The following PPP1R9A variants were observed in gnomAD, a reference collection of about 807,000 sequenced individuals.
The protein encoded by PPP1R9A is neurabin-1.
In PPP1R9A, 59 loss-of-function variants were observed where a neutral mutation model predicts 141.9. The ratio of observed to expected loss-of-function variants is 0.42; its 90% CI spans 0.34 to 0.52. The LOEUF (loss-of-function observed/expected upper bound fraction) is 0.52, where lower values mean the gene tolerates loss of function less well. Among genes scored for constraint, PPP1R9A ranks in the 20% least tolerant of loss-of-function variants. PPP1R9A has a pLI of 0.10. For synonymous variants in PPP1R9A, 500 were observed against 569.7 expected (o/e 0.88, Z 1.74); for missense variants, 1,444 against 1,611.9 (o/e 0.90, Z 1.78).
At position 95,111,927 on chromosome 7, in the gene PPP1R9A, G is replaced by A. The variant is rs148947635; in HGVS notation, c.1528+536G>A. Among the ~76,000 whole-genome samples the A allele has an allele frequency of 1.6e-3, 239 of 152,164 alleles. 3 individuals carry two copies. Among genetic ancestry groups the A allele is most frequent in the Admixed American group, 7.8e-3 (119 of 15,270 alleles). On this transcript the variant is annotated intron_variant, in intron 3 of 19. Coordinates refer to ENST00000433360, the MANE Select transcript of PPP1R9A (RefSeq NM_001166160.2). The stretch of plus-strand genomic sequence containing the variant: ...TCCCAGGAATGACACCCTGCCTACT[G>A]TAGTAACTGCTGACCCGTGGGATCA...
At chr7:95,046,502 TAACACGG>T (rs1282541548) in intron 2 of PPP1R9A, among the ~76,000 whole-genome samples, 7 of 152,252 alleles carry the variant, frequency 4.6e-5, no homozygotes, top group Admixed American at 1.3e-4. Context: ...TGCTATTTGA[TAACACGG>T]AATTGTGGAA....
Position 95,292,508 on chromosome 7 carries a change from GT to G in PPP1R9A, c.*2206del, listed in dbSNP as rs1806509932. On this transcript the variant is annotated 3_prime_UTR_variant, in exon 20 of 20. Transcript: ENST00000433360. ...GTATATACTGGAAATGTCTGTAAGT[GT>G]CTTGTTTTTGCACCTAATTTATGAT... The G allele has an allele frequency of 6.6e-6, 1 of 152,508 alleles. No individual in the cohort carries two copies. The allele number at this position is 152,508 out of a possible 1,614,324, so 9.4% of individuals were successfully genotyped here.
intron 1 of PPP1R9A, among the ~76,000 whole-genome samples, chr7:94,909,017 T>C (rs1391547662): frequency 1.3e-5 from 2 of 152,216 alleles, no homozygotes; most frequent in African/African-American, 4.8e-5. Context: ...TCAGCATATC[T>C]TGAAGTATTT....
intron 2 of PPP1R9A, among the ~76,000 whole-genome samples, chr7:94,962,928 ACTTTC>A (rs1264474067): frequency 5.3e-5 from 8 of 152,248 alleles, no homozygotes; most frequent in African/African-American, 1.7e-4. Flanking sequence ...TCACAGTAGA[ACTTTC>A]CTTTCCTGGA....
At chr7:95,286,077 G>A (rs1285405668) in intron 17 of PPP1R9A, 129 bp from the exon 18 acceptor site, 16 of 1,428,204 alleles carry the variant, frequency 1.1e-5, no homozygotes, top group African/African-American at 2.8e-5. Context: ...CCCATTGAAG[G>A]TCATCACCAA....
chr7:95,197,762 C>T (rs1289949935), intron 5 of PPP1R9A, among the ~76,000 whole-genome samples: 1 of 152,126 alleles, frequency 6.6e-6, no homozygotes, highest in African/African-American at 2.4e-5. Flanking sequence ...GATTCTCCTG[C>T]CTCAGCCTCC....
intron 7 of PPP1R9A, among the ~76,000 whole-genome samples, chr7:95,219,086 T>G (rs2152936299): frequency 6.6e-6 from 1 of 152,352 alleles, no homozygotes; most frequent in South Asian, 2.1e-4. Flanking sequence ...CAATTTGTCA[T>G]GCTTTTGCAG....
chr7:95,081,118 TG>T (rs771879729), intron 2 of PPP1R9A, among the ~76,000 whole-genome samples: 1 of 152,138 alleles, frequency 6.6e-6, no homozygotes, highest in Non-Finnish European at 1.5e-5. Context: ...AAGACCTGAA[TG>T]GATCAAACTT....
At chr7:95,139,799 A>G (rs886342041) in intron 4 of PPP1R9A, among the ~76,000 whole-genome samples, 2 of 151,326 alleles carry the variant, frequency 1.3e-5, no homozygotes, top group Non-Finnish European at 2.9e-5. Flanking sequence ...ACATTACATA[A>G]AGCAAAACAT....
At chr7:95,168,558 T>C (rs1402447135) in intron 5 of PPP1R9A, among the ~76,000 whole-genome samples, 1 of 151,210 alleles carries the variant, frequency 6.6e-6, no homozygotes, top group Non-Finnish European at 1.5e-5. Flanking sequence ...TATATTAATC[T>C]AAAAGACTTC....
At chr7:94,949,369 ATTG>A (rs1218020416) in intron 2 of PPP1R9A, among the ~76,000 whole-genome samples, 2 of 152,116 alleles carry the variant, frequency 1.3e-5, no homozygotes, top group Admixed American at 6.6e-5. Context: ...CATGAGGACT[ATTG>A]TTGTATTAAG....
chr7:94,986,543 T>C (rs1800860699), intron 2 of PPP1R9A, among the ~76,000 whole-genome samples: 1 of 152,186 alleles, frequency 6.6e-6, no homozygotes, highest in African/African-American at 2.4e-5. Flanking sequence ...AATTCCAGTG[T>C]TGTACAGCAA....
chr7:95,013,358 C>T (rs1256080105), intron 2 of PPP1R9A, among the ~76,000 whole-genome samples: 2 of 152,102 alleles, frequency 1.3e-5, no homozygotes, highest in African/African-American at 4.8e-5. Flanking sequence ...CATCCATTTA[C>T]ACAGTTCAGT....
chr7:95,001,064 C>T (rs1387928556), intron 2 of PPP1R9A, among the ~76,000 whole-genome samples: 1 of 151,908 alleles, frequency 6.6e-6, no homozygotes, highest in African/African-American at 2.4e-5. Flanking sequence ...ACAGTGATTC[C>T]CAGATCTGTC....
chr7:95,224,505 T>G (rs886321270), intron 7 of PPP1R9A, among the ~76,000 whole-genome samples: 4 of 152,128 alleles, frequency 2.6e-5, no homozygotes, highest in African/African-American at 9.7e-5. Flanking sequence ...ACTTTCAGGC[T>G]CTGCAATTTA....
At chr7:95,061,543 C>T (rs769042758) in intron 2 of PPP1R9A, among the ~76,000 whole-genome samples, 10 of 152,092 alleles carry the variant, frequency 6.6e-5, no homozygotes, top group Middle Eastern at 6.8e-3. Context: ...TGAGACCAGG[C>T]TGGGCAACGT....
intron 2 of PPP1R9A, among the ~76,000 whole-genome samples, chr7:94,974,138 T>G (rs1467257321): frequency 1.3e-5 from 2 of 152,178 alleles, no homozygotes; most frequent in Non-Finnish European, 2.9e-5. Flanking sequence ...TTGGATGAAC[T>G]GCATGAGTTA....
At chr7:95,217,992 T>G (rs1209418071) in intron 7 of PPP1R9A, among the ~76,000 whole-genome samples, 1 of 152,196 alleles carries the variant, frequency 6.6e-6, no homozygotes, top group African/African-American at 2.4e-5. Context: ...CTGATCTTAG[T>G]GATTTCTTGT....
intron 2 of PPP1R9A, among the ~76,000 whole-genome samples, chr7:95,008,100 C>G (rs1194048031): frequency 6.6e-6 from 1 of 151,956 alleles, no homozygotes; most frequent in Non-Finnish European, 1.5e-5. Context: ...ACAAACAAAC[C>G]AAGCTTCAGT....
Sources: gnomAD v4.1 joint callset for allele counts (sites outside exome capture counted in the v4.1 genomes callset) on GRCh38, gnomAD v4.1.1 for gene constraint, MANE v1.5 for transcripts, NCBI Gene and HGNC (gene_info 2026-07-23, HGNC 2026-07-21) for gene names.